Variants in NAALADL2 observed in about 807,000 individuals in gnomAD.
NAALADL2 encodes the protein inactive N-acetylated-alpha-linked acidic dipeptidase-like protein 2.
In NAALADL2, 76 loss-of-function variants were observed where a neutral mutation model predicts 87.2. The observed-to-expected ratio is 0.87, with a 90% CI of 0.72 to 1.05. The LOEUF (loss-of-function observed/expected upper bound fraction) is 1.05. Among genes scored for constraint, NAALADL2 ranks in the 50% least tolerant of loss-of-function variants. The pLI is 0.00. For missense variants in NAALADL2, 1,089 were observed against 945.8 expected, an observed-to-expected ratio of 1.15 and a Z score of -1.99; for synonymous variants, 354 against 331.0, an observed-to-expected ratio of 1.07 and a Z score of -0.75.
chr3:175,029,593 A>T (rs957159061), intron 1 of NAALADL2, among the ~76,000 whole-genome samples: 2 of 152,102 alleles, frequency 1.3e-5, no homozygotes, highest in African/African-American at 4.8e-5. Context: ...GAGAAAACGA[A>T]ATTTGACCAA....
chr3:175,312,594 T>C (rs1758525153), intron 4 of NAALADL2, among the ~76,000 whole-genome samples: 1 of 152,162 alleles, frequency 6.6e-6, no homozygotes, highest in Admixed American at 6.5e-5. Context: ...AGGATGGACG[T>C]ATAATTGAGA....
At chr3:175,022,027 T>G (rs1330647311) in intron 1 of NAALADL2, among the ~76,000 whole-genome samples, 1 of 151,890 alleles carries the variant, frequency 6.6e-6, no homozygotes, top group African/African-American at 2.4e-5. Flanking sequence ...ACAGGTGAGA[T>G]CTGGTTGTTA....
rs112552553 is a variant in NAALADL2, at chr3:175,192,563, C to T, written c.546-41368C>T. Among the ~76,000 whole-genome samples the T allele has an allele frequency of 8.3e-3, 1,257 of 151,910 alleles. 19 individuals carry two copies. The highest frequency in any genetic ancestry group is 0.028 in the African/African-American group (1,181 of 41,496). ...AATGTAGAGAGCATTCATTAATTTG[C>T]CTCCTGAGTTTCAAATGGATTGGCT... On this transcript the variant is annotated intron_variant, in intron 2 of 13. Coordinates refer to ENST00000454872, the MANE Select transcript of NAALADL2 (RefSeq NM_207015.3).
At chr3:175,501,894 A>T (rs1729595932) in intron 9 of NAALADL2, among the ~76,000 whole-genome samples, 1 of 152,082 alleles carries the variant, frequency 6.6e-6, no homozygotes, top group Non-Finnish European at 1.5e-5. Flanking sequence ...AGTCACAAAT[A>T]TCAAAAAAAG....
intron 5 of NAALADL2, among the ~76,000 whole-genome samples, chr3:175,367,990 G>C (rs1765872792): frequency 6.6e-6 from 1 of 152,036 alleles, no homozygotes; most frequent in Admixed American, 6.6e-5. Flanking sequence ...TTGGCTGTGG[G>C]TTTGTCATAG....
At chr3:175,319,161 C>G (rs1759527006) in intron 4 of NAALADL2, among the ~76,000 whole-genome samples, 1 of 152,152 alleles carries the variant, frequency 6.6e-6, no homozygotes, top group South Asian at 2.1e-4. Context: ...GCTCTTTTTC[C>G]TTTTCTCATT....
At chr3:175,050,539 T>G (rs1460686960) in intron 1 of NAALADL2, among the ~76,000 whole-genome samples, 1 of 152,158 alleles carries the variant, frequency 6.6e-6, no homozygotes, top group Non-Finnish European at 1.5e-5. Context: ...CATTTCAAAG[T>G]TTGATGTTTT....
intron 1 of NAALADL2, among the ~76,000 whole-genome samples, chr3:174,936,179 G>A (rs939918069): frequency 2.6e-4 from 40 of 152,072 alleles, no homozygotes; most frequent in Non-Finnish European, 5.9e-5. Context: ...TTAGGGACCT[G>A]GGAGAGACAA....
At chr3:174,978,833 T>C (rs1744719316) in intron 1 of NAALADL2, among the ~76,000 whole-genome samples, 1 of 152,298 alleles carries the variant, frequency 6.6e-6, no homozygotes, top group South Asian at 2.1e-4. Flanking sequence ...CAAGAAATGA[T>C]ATAGTAGTTT....
intron 2 of NAALADL2, among the ~76,000 whole-genome samples, chr3:175,130,045 T>G (rs139496502): frequency 1.5e-3 from 221 of 152,312 alleles, no homozygotes; most frequent in Non-Finnish European, 2.9e-3. Context: ...GATTTGCATT[T>G]TCTTAGTGAT....
chr3:174,839,808 T>C (rs975659188), intron 3 of NAALADL2, among the ~76,000 whole-genome samples: 2 of 151,240 alleles, frequency 1.3e-5, no homozygotes, highest in African/African-American at 4.9e-5. Context: ...ACCACCTTAC[T>C]CCTGAACGAA....
At chr3:175,696,422 G>A (rs897390916) in intron 11 of NAALADL2, among the ~76,000 whole-genome samples, 2 of 152,114 alleles carry the variant, frequency 1.3e-5, no homozygotes, top group Non-Finnish European at 1.5e-5. Context: ...TCATTTGGAA[G>A]TCCTTTTAGC....
Position 175,089,628 on chromosome 3 carries a change from C to T in NAALADL2, c.44-7162C>T, listed in dbSNP as rs142666067. Among the ~76,000 whole-genome samples, 38 of 152,074 alleles carry T rather than the reference C, an allele frequency of 2.5e-4. No homozygotes were observed. The East Asian group carries it at 6.0e-3, about 24-fold the overall frequency. On this transcript the variant is annotated intron_variant, in intron 1 of 13. Coordinates refer to ENST00000454872, the MANE Select transcript of NAALADL2 (RefSeq NM_207015.3). ...GCATATAATTTTGGATGATACATCA[C>T]GGGGATATTGTCACTCTGTACATCA... is the stretch of plus-strand genomic sequence containing the variant.
intron 1 of NAALADL2, among the ~76,000 whole-genome samples, chr3:174,456,883 C>T (rs1365495254): frequency 6.6e-6 from 1 of 151,978 alleles, no homozygotes; most frequent in Non-Finnish European, 1.5e-5. Context: ...AACTAAAGAG[C>T]TTCTATACAG....
intron 5 of NAALADL2, among the ~76,000 whole-genome samples, chr3:175,425,686 T>C (rs1716657608): frequency 6.6e-6 from 1 of 152,188 alleles, no homozygotes; most frequent in African/African-American, 2.4e-5. Flanking sequence ...TTACGTCATG[T>C]AACAAAGTGT....
intron 4 of NAALADL2, among the ~76,000 whole-genome samples, chr3:175,322,155 A>G (rs2110408546): frequency 1.3e-5 from 2 of 151,222 alleles, no homozygotes; most frequent in East Asian, 2.0e-4. Flanking sequence ...GATCAATGGA[A>G]CAGAACAGAG....
At chr3:174,462,736 G>A (rs1481704383) in intron 1 of NAALADL2, among the ~76,000 whole-genome samples, 1 of 152,156 alleles carries the variant, frequency 6.6e-6, no homozygotes, top group Non-Finnish European at 1.5e-5. Context: ...ATTTAAACAA[G>A]TATTAGCATG....
intron 3 of NAALADL2, among the ~76,000 whole-genome samples, chr3:174,770,460 GTTAA>G (rs1714391156): frequency 1.3e-5 from 2 of 152,240 alleles, no homozygotes; most frequent in South Asian, 4.1e-4. Flanking sequence ...TCTTTTATAG[GTTAA>G]TTGATTGTAT....
chr3:174,752,486 AATTG>A (rs1246251146), intron 3 of NAALADL2, among the ~76,000 whole-genome samples: 2 of 152,066 alleles, frequency 1.3e-5, no homozygotes, highest in African/African-American at 4.8e-5. Flanking sequence ...TTAGCAAAAT[AATTG>A]ATTATTACTC....
Sources: allele counts gnomAD v4.1 joint callset (sites outside exome capture counted in the v4.1 genomes callset), GRCh38; gene constraint gnomAD v4.1.1; transcripts MANE v1.5; gene names NCBI Gene and HGNC (gene_info 2026-07-23, HGNC 2026-07-21).